WNK2: variants seen among roughly 807,000 people sequenced by gnomAD.
WNK2 encodes serine/threonine-protein kinase WNK2.
WNK2 carries 67 observed loss-of-function variants against 192.1 expected under a neutral mutation model. The observed-to-expected ratio is 0.35, with a 90% CI of 0.29 to 0.43. The LOEUF is 0.43. WNK2 is among the 20% of genes least tolerant of loss of function. The pLI is 1.00. For missense variants in WNK2, 2,698 were observed against 3,089.7 expected, an observed-to-expected ratio of 0.87 and a Z score of 3.01; for synonymous variants, 1,439 against 1,393.9, an observed-to-expected ratio of 1.03 and a Z score of -0.72.
In WNK2 at chr9:93,297,953, T is replaced by C; in HGVS notation, c.5809T>C (p.Phe1937Leu). Residue 1937 changes from phenylalanine (F) to leucine (L), a missense_variant, in exon 24 of 30, where the codon TTC becomes CTC. By Grantham distance (22) the Phe-to-Leu change is conservative. Transcript: ENST00000427277. ...GCCACTGCCCCCCAACGTGGGCTTC[T>C]TCCACACGGCACCCCCCACTGGCCG... Reference protein sequence around the residue: ...GKPLPPNVGFFHTAPPTGRRR... With the variant: ...GKPLPPNVGFLHTAPPTGRRR... The C allele has an allele frequency of 6.3e-7, 1 of 1,582,472 alleles. No individual in the cohort carries two copies. Among genetic ancestry groups the C allele is most frequent in the Non-Finnish European group, 8.6e-7 (1 of 1,165,540 alleles).
chr9:93,297,629 C>T (rs558898197), intron 23 of WNK2, among the ~76,000 whole-genome samples: 23 of 152,358 alleles, frequency 1.5e-4, no homozygotes, highest in African/African-American at 5.1e-4. Context: ...TTGGGCACGT[C>T]GATGCCAGAG....
intron 2 of WNK2, among the ~76,000 whole-genome samples, chr9:93,193,269 C>T (rs537051098): frequency 4.1e-4 from 62 of 152,262 alleles, no homozygotes; most frequent in East Asian, 9.6e-4. Context: ...TGGGAGGGCA[C>T]CTGTTTCTGC....
At chr9:93,265,149 A>G (rs2133097368) in intron 16 of WNK2, among the ~76,000 whole-genome samples, 1 of 152,368 alleles carries the variant, frequency 6.6e-6, no homozygotes, top group Admixed American at 6.5e-5. Flanking sequence ...GACGCTTGCT[A>G]CAGTGGTCGG....
chr9:93,247,404 G>A lies in WNK2; in HGVS notation c.1543-139G>A, dbSNP rs549765419. Reference sequence around the variant, plus strand: ...CATGCCATCTCTGAGCTGTCCCCGCGGATTTTACATTCAGTGGCAGTGGGA... The same window carrying A: ...CATGCCATCTCTGAGCTGTCCCCGCAGATTTTACATTCAGTGGCAGTGGGA... On this transcript the variant is annotated intron_variant, in intron 7 of 29. Coordinates refer to ENST00000427277, the MANE Select transcript of WNK2 (RefSeq NM_006648.4). This position sits in a 1 kb window ranked among gnomAD's most constrained non-coding sequence, Gnocchi z 5.2. 6.5e-5 allele frequency: 69 copies of A among 1,060,452 alleles called. No homozygotes were observed. The Admixed American group carries it at 6.8e-4, about 11-fold the overall frequency. 65.7% of individuals were successfully genotyped at this position (1,060,452 alleles called of 1,614,324 possible). A position where few individuals can be genotyped will look rare whatever the true frequency, so the allele number is the denominator to read the frequency against.
chr9:93,256,489 C>T (rs757353973), intron 10 of WNK2, 35 bp downstream of exon 10: 1 of 1,488,566 alleles, frequency 6.7e-7, no homozygotes, highest in South Asian at 1.3e-5. Context: ...ACTGTCCCTC[C>T]AGGCAGGCAG....
intron 29 of WNK2, chr9:93,317,846 G>T: frequency 6.6e-7 from 1 of 1,524,066 alleles, no homozygotes. Flanking sequence ...TGCGGATCAC[G>T]TAGCCTTCTG....
chr9:93,195,706 A>AAAAAATT (rs1357093330), intron 2 of WNK2, among the ~76,000 whole-genome samples: 3 of 147,728 alleles, frequency 2.0e-5, no homozygotes, highest in Non-Finnish European at 4.5e-5. Flanking sequence ...TCTCAAAAAA[A>AAAAAATT]AAAAAAAAAA....
intron 4 of WNK2, 118 bp from the exon 5 acceptor site, chr9:93,234,690 G>A: frequency 8.2e-7 from 1 of 1,218,238 alleles, no homozygotes. Context: ...TTCTGAGTGT[G>A]CCATGGGATG....
At chr9:93,255,497 T>G (rs1301942249) in intron 9 of WNK2, among the ~76,000 whole-genome samples, 1 of 152,042 alleles carries the variant, frequency 6.6e-6, no homozygotes, top group Non-Finnish European at 1.5e-5. Flanking sequence ...CTCCAACCAC[T>G]CACACCATGC....
chr9:93,274,515 C>CAAAAAAAA (rs67350876), intron 19 of WNK2, among the ~76,000 whole-genome samples: 3 of 118,404 alleles, frequency 2.5e-5, no homozygotes, highest in African/African-American at 6.8e-5. Flanking sequence ...CCGTCTCAAC[C>CAAAAAAAA]AAAAAAAAAA....
At position 93,263,743 on chromosome 9, in the gene WNK2, G is replaced by T; in HGVS notation, c.3579+9G>T. 6.9e-7 allele frequency: 1 copy of T among 1,451,254 alleles called. No homozygotes were observed. Among genetic ancestry groups the T allele is most frequent in the South Asian group, 1.4e-5 (1 of 73,216 alleles). The allele number at this position is 1,451,254 out of a possible 1,614,324, so 89.9% of individuals were successfully genotyped here. On this transcript the variant is annotated intron_variant, in intron 15 of 29. Transcript: ENST00000427277. ...GGCTTACCATCTTGAACGTGAGTGG[G>T]CGGGGCGTGGCGGGGGTGTGGTGGG... is the stretch of plus-strand genomic sequence containing the variant.
intron 2 of WNK2, among the ~76,000 whole-genome samples, chr9:93,193,046 G>A (rs1233828044): frequency 6.6e-6 from 1 of 152,230 alleles, no homozygotes; most frequent in Non-Finnish European, 1.5e-5. Context: ...GCCCAGCAGG[G>A]GTTTGGGCCG....
chr9:93,311,613 T>TTGTGTGTGTG (rs71364368), intron 28 of WNK2, among the ~76,000 whole-genome samples: 38,904 of 145,798 alleles, frequency 0.27, 5,719 homozygotes, highest in East Asian at 0.42. Flanking sequence ...GTTTTTTTGT[T>TTGTGTGTGTG]TGTGTGTGTG....
At position 93,308,585 on chromosome 9, in the gene WNK2, G is replaced by A; in HGVS notation, c.6516+1G>A. 1.3e-6 allele frequency: 2 copies of A among 1,561,196 alleles called. No homozygotes were observed. The highest frequency in any genetic ancestry group is 1.3e-5 in the African/African-American group (1 of 74,080). ...GGCTGCCCCTGGCGAGGCGCGGGCT[G>A]TGAGTGCGGGGCGGGTGGGGCGGGT... On this transcript the variant is annotated splice_donor_variant, in intron 28 of 29. Transcript: ENST00000427277. LOFTEE classifies it high-confidence loss of function.
At chr9:93,314,148 G>A (rs1854170234) in intron 28 of WNK2, among the ~76,000 whole-genome samples, 1 of 152,060 alleles carries the variant, frequency 6.6e-6, no homozygotes, top group Non-Finnish European at 1.5e-5. Flanking sequence ...CCAGCATGGT[G>A]GTGGGCTTCT....
intron 29 of WNK2, chr9:93,318,292 T>C: frequency 6.6e-7 from 1 of 1,518,958 alleles, no homozygotes; most frequent in East Asian, 2.3e-5. Context: ...GGTTTTCTGT[T>C]GTAAATGCCT....
At chr9:93,310,817 A>C (rs1355068431) in intron 28 of WNK2, among the ~76,000 whole-genome samples, 5 of 152,234 alleles carry the variant, frequency 3.3e-5, no homozygotes, top group Non-Finnish European at 5.9e-5. Context: ...TTTTAAAATC[A>C]GCCAGGCGTG....
Position 93,257,022 on chromosome 9 carries a change from TC to T in WNK2, c.2272del (p.His758ThrfsTer18). 8 of 1,602,610 alleles carry T rather than the reference TC, an allele frequency of 5.0e-6. No homozygotes were observed. The highest frequency in any genetic ancestry group is 2.2e-5 in the East Asian group (1 of 44,508). On this transcript the variant is annotated frameshift_variant, in exon 11 of 30. Transcript: ENST00000427277. LOFTEE classifies it high-confidence loss of function. This position sits in a 1 kb window ranked among gnomAD's most constrained non-coding sequence, Gnocchi z 4.7. ...AGCCCGTGGTCCCCCTCCAGCCGGT[TC>T]CCCCCCACCTGCCACCGTACCTGGC... is the stretch of plus-strand genomic sequence containing the variant. ...PQPVVPLQPV[P>X]PHLPPYLAPA...
At chr9:93,188,357 C>T (rs1829724899) in intron 2 of WNK2, among the ~76,000 whole-genome samples, 1 of 152,178 alleles carries the variant, frequency 6.6e-6, no homozygotes. Context: ...GCTTAGAGGA[C>T]ATCTGATTTC....
Sources: gnomAD v4.1 joint callset for allele counts (sites outside exome capture counted in the v4.1 genomes callset) on GRCh38, gnomAD v4.1.1 for gene constraint, Gnocchi (gnomAD v3.1) non-coding constraint, MANE v1.5 for transcripts, NCBI Gene and HGNC (gene_info 2026-07-23, HGNC 2026-07-21) for gene names.